Variants in NEK4 observed in about 807,000 individuals in gnomAD.
NEK4 encodes the protein serine/threonine-protein kinase Nek4.
Under a neutral mutation model 98.4 loss-of-function variants are expected in NEK4, and 86 were observed. The observed-to-expected ratio is 0.87, with a 90% CI of 0.73 to 1.05. NEK4 has a LOEUF of 1.05. NEK4 is among the 50% of genes least tolerant of loss of function. The pLI is 0.00. For synonymous variants in NEK4, 328 were observed against 342.2 expected, an observed-to-expected ratio of 0.96 and a Z score of 0.46; for missense variants, 898 against 950.3, an observed-to-expected ratio of 0.94 and a Z score of 0.72.
intron 12 of NEK4, among the ~76,000 whole-genome samples, chr3:52,743,009 T>C (rs920128755): frequency 6.6e-5 from 10 of 152,126 alleles, no homozygotes; most frequent in African/African-American, 2.4e-4. Context: ...GATCTCAAAC[T>C]CCTGGGCTAA....
In NEK4 at chr3:52,749,732, G is replaced by A; in HGVS notation, c.1466C>T (p.Ser489Phe). The change falls in exon 8 of 16, where the codon TCC (serine) becomes TTC (phenylalanine). Residue 489 changes from serine (S) to phenylalanine (F), a missense_variant. Physicochemically the swap from Ser to Phe is radical, Grantham distance 155. Coordinates refer to ENST00000233027, the MANE Select transcript of NEK4 (RefSeq NM_003157.6). ...LGSSDSPASA[S>F]RVAGITGVCH... ...CACGCCTGTAATCCCAGCTACTCGG[G>A]AGGCTGAGGCTGGAGAATCACTTGA... 4.6e-6 allele frequency: 1 copy of A among 219,006 alleles called. No individual in the cohort carries two copies. Among genetic ancestry groups the A allele is most frequent in the South Asian group, 4.6e-5 (1 of 21,724 alleles). The allele number at this position is 219,006 out of a possible 1,614,324, so 13.6% of individuals were successfully genotyped here. A position where few individuals can be genotyped will look rare whatever the true frequency, so the allele number is the denominator to read the frequency against.
chr3:52,751,577 C>T (rs547006452), intron 7 of NEK4, among the ~76,000 whole-genome samples: 21 of 151,636 alleles, frequency 1.4e-4, no homozygotes, highest in Admixed American at 4.6e-4. Context: ...GCCGAGATCG[C>T]GCCATTGCAA....
At chr3:52,742,795 T>C (rs1464791483) in intron 12 of NEK4, among the ~76,000 whole-genome samples, 1 of 152,188 alleles carries the variant, frequency 6.6e-6, no homozygotes, top group Non-Finnish European at 1.5e-5. Flanking sequence ...CTTATTTATT[T>C]ATTTATATTT....
In NEK4 at chr3:52,739,648, A is replaced by G. The variant is rs1254874008; in HGVS notation, c.2094-14T>C. On this transcript the variant is annotated splice_polypyrimidine_tract_variant and intron_variant, in intron 13 of 15. Coordinates refer to ENST00000233027, the MANE Select transcript of NEK4 (RefSeq NM_003157.6). ...GTCTGACCTTTCCTGGGGGAAAAAAATATCCCTTTGTTATTTAATTGGCTT... is the reference window on the plus strand; with the variant it reads ...GTCTGACCTTTCCTGGGGGAAAAAAGTATCCCTTTGTTATTTAATTGGCTT... 6.3e-7 allele frequency: 1 copy of G among 1,598,980 alleles called. No individual in the cohort carries two copies. Among genetic ancestry groups the G allele is most frequent in the Non-Finnish European group, 8.6e-7 (1 of 1,168,542 alleles).
rs758338516 is a variant in NEK4, at chr3:52,752,215, A to C, written c.1085T>G (p.Ile362Ser). 1.2e-6 allele frequency: 2 copies of C among 1,613,998 alleles called. No individual in the cohort carries two copies. The highest frequency in any genetic ancestry group is 1.7e-6 in the Non-Finnish European group (2 of 1,180,032). The change falls in exon 7 of 16, where the codon ATC becomes AGC. Residue 362 changes from isoleucine to serine, a missense_variant. Physicochemically the swap from Ile to Ser is moderately radical, Grantham distance 142 (BLOSUM62 -2). Transcript: ENST00000233027. The part of the protein sequence containing the change: ...DLSNTTELAT[I>S]SSVNIDILPA... ...TAAGATGTCAATATTTACGCTACTG[A>C]TTGTGGCTAGTTCTGTGGTATTGCT...
chr3:52,744,273 T>C lies in NEK4; in HGVS notation c.1860A>G (p.Arg620=), dbSNP rs2097391821. Residue 620 remains arginine, a synonymous_variant, in exon 11 of 16, where the codon CGA becomes CGG. Transcript: ENST00000233027. The part of the protein sequence containing the change: ...DRPLSARERR[R]LKQSQEEMSS... ...ACATTTCTTCCTGTGACTGCTTTAG[T>C]CGCCTCCTCTCTCTGGCTGATAATG... is the stretch of plus-strand genomic sequence containing the variant. 1.9e-6 allele frequency: 3 copies of C among 1,614,000 alleles called. No homozygotes were observed. The highest frequency in any genetic ancestry group is 2.5e-6 in the Non-Finnish European group (3 of 1,179,838).
Position 52,739,539 on chromosome 3 carries a change from G to C in NEK4, c.2189C>G (p.Ala730Gly). Residue 730 changes from alanine (A) to glycine (G), a missense_variant, in exon 14 of 16, where the codon GCA becomes GGA. Coordinates refer to ENST00000233027, the MANE Select transcript of NEK4 (RefSeq NM_003157.6). The stretch of plus-strand genomic sequence containing the variant: ...AAGTTTGAATTCTGACACTGGGTTT[G>C]CTACCGGGACATCTTCACAGCTCTC... Reference protein sequence around the residue: ...SKESCEDVPVANPVSEFKLHR... With the variant: ...SKESCEDVPVGNPVSEFKLHR... 2 of 1,614,088 alleles carry C rather than the reference G, an allele frequency of 1.2e-6. No individual in the cohort carries two copies. Among genetic ancestry groups the C allele is most frequent in the South Asian group, 1.1e-5 (1 of 91,086 alleles).
At chr3:52,724,133 TGA>T (rs2097362409) in intron 15 of NEK4, among the ~76,000 whole-genome samples, 2 of 152,032 alleles carry the variant, frequency 1.3e-5, no homozygotes, top group South Asian at 4.1e-4. Context: ...CACAGGAGGC[TGA>T]GTCACAAAAA....
chr3:52,708,494 G>A lies in NEK4; in HGVS notation c.*3283C>T, dbSNP rs2097346797. On this transcript the variant is annotated 3_prime_UTR_variant, in exon 16 of 16. Coordinates refer to ENST00000233027, the MANE Select transcript of NEK4 (RefSeq NM_003157.6). ...GAATGAGAACTGCATTGTACAATAT[G>A]GTGCCACTAGACACGTCTATTTAAT... 6.6e-6 allele frequency: 1 copy of A among 152,124 alleles called. No homozygotes were observed. The highest frequency in any genetic ancestry group is 1.5e-5 in the Non-Finnish European group (1 of 68,024). The allele number at this position is 152,124 out of a possible 1,614,324, so 9.4% of individuals were successfully genotyped here.
At position 52,766,320 on chromosome 3, in the gene NEK4, A is replaced by C. The variant is rs1299722705; in HGVS notation, c.416T>G (p.Leu139Arg). 3 of 1,613,978 alleles carry C rather than the reference A, an allele frequency of 1.9e-6. No homozygotes were observed. Among genetic ancestry groups the C allele is most frequent in the Non-Finnish European group, 2.5e-6 (3 of 1,179,962 alleles). ...TACTTTGATGATGTTTGTTCTTGTT[A>C]GGAAGACATTTTGAGTTTTCAGATC... ...HRDLKTQNVF[L>R]TRTNIIKVGD... The change falls in exon 3 of 16, where the codon CTA becomes CGA. Residue 139 changes from leucine to arginine, a missense_variant. Physicochemically the swap from Leu to Arg is moderately radical, Grantham distance 102 (BLOSUM62 -2). Transcript: ENST00000233027.
chr3:52,726,402 T>C (rs2097364607), intron 15 of NEK4, among the ~76,000 whole-genome samples: 1 of 150,880 alleles, frequency 6.6e-6, no homozygotes, highest in African/African-American at 2.4e-5. Context: ...ATTGACACCA[T>C]CCTGGCTAAC....
In NEK4 at chr3:52,764,778, G is replaced by GCA. The variant is rs56827006; in HGVS notation, c.666+1107_666+1108dup. ...CGTGCGCATGCACACACACACACAT[G>GCA]CACACACACACACACACACACACAC... On this transcript the variant is annotated intron_variant, in intron 4 of 15. Coordinates refer to ENST00000233027, the MANE Select transcript of NEK4 (RefSeq NM_003157.6). 7.2e-3 allele frequency among the ~76,000 whole-genome samples: 1,041 copies of GCA among 145,100 alleles called. 6 individuals carry two copies. Among genetic ancestry groups the GCA allele is most frequent in the South Asian group, 0.013 (61 of 4,724 alleles).
chr3:52,738,403 C>CT (rs549590598), intron 14 of NEK4, among the ~76,000 whole-genome samples: 2,325 of 128,166 alleles, frequency 0.018, 27 homozygotes, highest in African/African-American at 0.034. Context: ...CACACCAAGC[C>CT]TTTTTTTTTT....
intron 6 of NEK4, among the ~76,000 whole-genome samples, chr3:52,758,246 G>C (rs985446206): frequency 4.6e-5 from 7 of 151,622 alleles, no homozygotes; most frequent in Admixed American, 1.3e-4. Flanking sequence ...CAGGGACTGG[G>C]GTAGTAGGGA....
Position 52,709,514 on chromosome 3 carries a change from G to A in NEK4, c.*2263C>T, listed in dbSNP as rs2097348242. ...TTGAATGCAGTTTGAGACCAGCCTG[G>A]GCAACACAGACTTCCTCTCCACAAA... On this transcript the variant is annotated 3_prime_UTR_variant, in exon 16 of 16. Transcript: ENST00000233027. 6.6e-6 allele frequency: 1 copy of A among 151,664 alleles called. No homozygotes were observed. The highest frequency in any genetic ancestry group is 1.5e-5 in the Non-Finnish European group (1 of 67,954). The allele number at this position is 151,664 out of a possible 1,614,324, so 9.4% of individuals were successfully genotyped here.
chr3:52,746,634 C>A (rs1383977539), intron 9 of NEK4, 100 bp downstream of exon 9: 4 of 1,034,890 alleles, frequency 3.9e-6, no homozygotes, highest in African/African-American at 1.6e-5. Context: ...GTATTATGTT[C>A]CTTGCATTTC....
intron 1 of NEK4, among the ~76,000 whole-genome samples, chr3:52,769,262 A>G (rs948757901): frequency 6.6e-6 from 1 of 152,278 alleles, no homozygotes; most frequent in South Asian, 2.1e-4. Flanking sequence ...CTTAATATCT[A>G]AGCTCTCCCA....
At chr3:52,752,896 G>A (rs1467333593) in intron 6 of NEK4, among the ~76,000 whole-genome samples, 1 of 46,892 alleles carries the variant, frequency 2.1e-5, no homozygotes, top group African/African-American at 1.0e-4. Flanking sequence ...GTGAAACCCT[G>A]CCTCAAAAAA....
rs939365720 is a variant in NEK4, at chr3:52,709,431, G to A, written c.*2346C>T. On this transcript the variant is annotated 3_prime_UTR_variant, in exon 16 of 16. Coordinates refer to ENST00000233027, the MANE Select transcript of NEK4 (RefSeq NM_003157.6). ...AATAAGAAAGTATGGGGGAAGTCAG[G>A]TGTGGTGGTTCATGCCTATAATCCC... The A allele has an allele frequency of 6.6e-6, 1 of 151,916 alleles. No individual in the cohort carries two copies. Among genetic ancestry groups the A allele is most frequent in the Admixed American group, 6.6e-5 (1 of 15,236 alleles). 9.4% of individuals were successfully genotyped at this position (151,916 alleles called of 1,614,324 possible).
Sources: gnomAD v4.1 joint callset for allele counts (sites outside exome capture counted in the v4.1 genomes callset) on GRCh38, gnomAD v4.1.1 for gene constraint, MANE v1.5 for transcripts, NCBI Gene and HGNC (gene_info 2026-07-23, HGNC 2026-07-21) for gene names.